INPP5A: variants seen among roughly 807,000 people sequenced by gnomAD.
INPP5A encodes 43 kDa inositol polyphosphate 5-phophatase.
In INPP5A, 14 loss-of-function variants were observed where a neutral mutation model predicts 65.2. The ratio of observed to expected loss-of-function variants is 0.21; its 90% CI spans 0.14 to 0.34. The LOEUF is 0.34. Among genes scored for constraint, INPP5A ranks in the 10% least tolerant of loss-of-function variants. The pLI is 1.00. For missense variants in INPP5A, 431 were observed against 545.6 expected (o/e 0.79, Z 2.09); for synonymous variants, 207 against 208.3 (o/e 0.99, Z 0.05).
chr10:132,726,774 T>C (rs1490152585), intron 8 of INPP5A, 47 bp from the exon 9 acceptor site: 2 of 1,412,482 alleles, frequency 1.4e-6, no homozygotes, highest in South Asian at 1.2e-5. Flanking sequence ...GCATGAGGGC[T>C]GGCCGGCTTC....
chr10:132,541,280 G>A (rs980962365), intron 1 of INPP5A, among the ~76,000 whole-genome samples: 2 of 152,194 alleles, frequency 1.3e-5, no homozygotes, highest in African/African-American at 4.8e-5. Context: ...CCCTGGTCCA[G>A]AGGTCACCCC....
intron 8 of INPP5A, among the ~76,000 whole-genome samples, chr10:132,721,652 CT>C (rs1259580471): frequency 5.3e-5 from 8 of 150,804 alleles, no homozygotes; most frequent in Admixed American, 2.6e-4. Context: ...TCTGTGGTGC[CT>C]GGGTTCTGTC....
chr10:132,626,647 T>C (rs1318456477), intron 2 of INPP5A, among the ~76,000 whole-genome samples: 1 of 152,248 alleles, frequency 6.6e-6, no homozygotes, highest in African/African-American at 2.4e-5. Context: ...TCTGTCAGTA[T>C]CCACAAGGTG....
rs886588753 is a variant in INPP5A, at chr10:132,705,519, C to T, written c.475-2794C>T. 4.6e-5 allele frequency among the ~76,000 whole-genome samples: 7 copies of T among 152,226 alleles called. No individual in the cohort carries two copies. Among genetic ancestry groups the T allele is most frequent in the South Asian group, 2.1e-4 (1 of 4,836 alleles). ...TCGTGGTGTGAGGACGGATCCTCCT[C>T]GACGAGTAGAGCCATAGCCTGGCGT... On this transcript the variant is annotated intron_variant, in intron 6 of 15. Coordinates refer to ENST00000368594, the MANE Select transcript of INPP5A (RefSeq NM_005539.5). The surrounding 1 kb of genome is among the most constrained non-coding windows in gnomAD (Gnocchi z 4.9).
intron 4 of INPP5A, among the ~76,000 whole-genome samples, chr10:132,672,422 C>T (rs2072902815): frequency 6.6e-6 from 1 of 152,158 alleles, no homozygotes; most frequent in African/African-American, 2.4e-5. Flanking sequence ...GCAAGGGGAT[C>T]ATGGGGGCAG....
intron 2 of INPP5A, among the ~76,000 whole-genome samples, chr10:132,609,595 G>A (rs1396246407): frequency 1.3e-5 from 2 of 152,220 alleles, no homozygotes; most frequent in Non-Finnish European, 2.9e-5. Flanking sequence ...CTGCCCCTGT[G>A]TTTTGGTGTT....
intron 1 of INPP5A, among the ~76,000 whole-genome samples, chr10:132,563,015 G>A (rs1236164561): frequency 2.0e-5 from 3 of 152,226 alleles, no homozygotes; most frequent in African/African-American, 7.2e-5. Context: ...GCGCGGGGAG[G>A]AGGTGCCCTC....
At chr10:132,690,154 G>A (rs1176152442) in intron 4 of INPP5A, among the ~76,000 whole-genome samples, 1 of 152,226 alleles carries the variant, frequency 6.6e-6, no homozygotes, top group African/African-American at 2.4e-5. Context: ...TGGGACTTGC[G>A]TCCCTGCTGG....
chr10:132,604,355 G>T (rs1370585480), intron 1 of INPP5A, among the ~76,000 whole-genome samples: 1 of 151,456 alleles, frequency 6.6e-6, no homozygotes, highest in African/African-American at 2.4e-5. Flanking sequence ...TCTCCATCCT[G>T]CCCTGTGCTG....
At chr10:132,688,474 G>C (rs960272126) in intron 4 of INPP5A, among the ~76,000 whole-genome samples, 1 of 151,680 alleles carries the variant, frequency 6.6e-6, no homozygotes, top group Non-Finnish European at 1.5e-5. Flanking sequence ...GACTTTCTTA[G>C]AGAGACAATA....
chr10:132,755,810 C>T (rs1045680120), intron 11 of INPP5A, among the ~76,000 whole-genome samples: 1 of 152,036 alleles, frequency 6.6e-6, no homozygotes, highest in African/African-American at 2.4e-5. Context: ...CTCCAGGGGC[C>T]TGACACGGCT....
chr10:132,713,306 G>A (rs1205472865), intron 8 of INPP5A, among the ~76,000 whole-genome samples: 4 of 152,032 alleles, frequency 2.6e-5, no homozygotes, highest in African/African-American at 9.7e-5. Flanking sequence ...CCTGAGGAAG[G>A]GGTGGAAGGC....
At chr10:132,569,007 T>C (rs918658425) in intron 1 of INPP5A, among the ~76,000 whole-genome samples, 2 of 150,314 alleles carry the variant, frequency 1.3e-5, no homozygotes, top group East Asian at 2.0e-4. Flanking sequence ...CCTCCGCCTC[T>C]TGGATTCGAG....
intron 8 of INPP5A, among the ~76,000 whole-genome samples, chr10:132,725,169 A>T (rs1845964245): frequency 6.6e-6 from 1 of 152,266 alleles, no homozygotes. Flanking sequence ...GAGAAAATGC[A>T]AATTTTGATA....
intron 9 of INPP5A, among the ~76,000 whole-genome samples, chr10:132,731,810 C>G (rs1213735889): frequency 6.6e-6 from 1 of 152,232 alleles, no homozygotes; most frequent in Non-Finnish European, 1.5e-5. Flanking sequence ...GCCGCATGTG[C>G]TCTGTGGTTA....
At chr10:132,739,816 A>G (rs985751143) in intron 9 of INPP5A, among the ~76,000 whole-genome samples, 1 of 152,200 alleles carries the variant, frequency 6.6e-6, no homozygotes, top group South Asian at 2.1e-4. Context: ...GCCAGGACCC[A>G]GGGGCCTCAG....
intron 9 of INPP5A, among the ~76,000 whole-genome samples, chr10:132,734,061 G>A (rs1846133786): frequency 6.6e-6 from 1 of 152,232 alleles, no homozygotes; most frequent in Non-Finnish European, 1.5e-5. Context: ...CAGTGCAGCT[G>A]GTGAACCGGG....
At chr10:132,726,752 C>G (rs1564986222) in intron 8 of INPP5A, 69 bp from the exon 9 acceptor site, 1 of 1,066,390 alleles carries the variant, frequency 9.4e-7, no homozygotes. Flanking sequence ...CGTGGAGGAG[C>G]ACCGGGGCCG....
Position 132,603,186 on chromosome 10 carries a change from C to T in INPP5A, c.76-4729C>T, listed in dbSNP as rs905077916. On this transcript the variant is annotated intron_variant, in intron 1 of 15. Transcript: ENST00000368594. This position sits in a 1 kb window ranked among gnomAD's most constrained non-coding sequence, Gnocchi z 4.2. ...AAGGGGAAGAGTTGGGCCTTCTGGG[C>T]GGCTGTGGGCCAGGCTGCCTCTGGC... Among the ~76,000 whole-genome samples the T allele has an allele frequency of 1.3e-5, 2 of 152,162 alleles. No individual in the cohort carries two copies. The highest frequency in any genetic ancestry group is 2.4e-5 in the African/African-American group (1 of 41,432).
Sources: allele counts gnomAD v4.1 joint callset (sites outside exome capture counted in the v4.1 genomes callset), GRCh38; gene constraint gnomAD v4.1.1; non-coding constraint Gnocchi (gnomAD v3.1); transcripts MANE v1.5; gene names NCBI Gene and HGNC (gene_info 2026-07-23, HGNC 2026-07-21).